Variants in DENND1A observed in about 807,000 individuals in gnomAD.
DENND1A encodes DENN domain containing 1A, also known as DENN domain-containing protein 1A.
In DENND1A, 51 loss-of-function variants were observed where a neutral mutation model predicts 113.7. The ratio of observed to expected loss-of-function variants is 0.45; its 90% CI spans 0.36 to 0.57. The LOEUF (loss-of-function observed/expected upper bound fraction) is 0.57. Ranked by LOEUF, DENND1A falls within the 20% of genes least tolerant of loss-of-function variation. The pLI is 0.00. For missense variants in DENND1A, 1,258 were observed against 1,395.9 expected, an observed-to-expected ratio of 0.90 and a Z score of 1.57; for synonymous variants, 565 against 570.8, an observed-to-expected ratio of 0.99 and a Z score of 0.14.
intron 10 of DENND1A, among the ~76,000 whole-genome samples, chr9:123,627,537 C>T (rs998492040): frequency 6.6e-6 from 1 of 152,090 alleles, no homozygotes; most frequent in Admixed American, 6.6e-5. Context: ...GTCAGGAGAT[C>T]GAGACCATCC....
intron 2 of DENND1A, among the ~76,000 whole-genome samples, chr9:123,811,086 GC>G (rs1285051030): frequency 2.0e-5 from 3 of 152,070 alleles, no homozygotes; most frequent in Non-Finnish European, 2.9e-5. Context: ...CATCCATCTT[GC>G]TTGAAGCCTG....
chr9:123,685,359 C>T lies in DENND1A; in HGVS notation c.303-8570G>A, dbSNP rs886775135. On this transcript the variant is annotated intron_variant, in intron 5 of 23. Transcript: ENST00000394215. ...AAATTGATTACGATATTTAGTTAAGCTCAAGAATCTCTGATTTATGTCCAT... is the reference window on the plus strand; with the variant it reads ...AAATTGATTACGATATTTAGTTAAGTTCAAGAATCTCTGATTTATGTCCAT... Among the ~76,000 whole-genome samples, 7 of 152,230 alleles carry T rather than the reference C, an allele frequency of 4.6e-5. No individual in the cohort carries two copies. In the East Asian group the frequency reaches 7.7e-4, roughly 17 times the overall value.
chr9:123,620,722 C>T (rs187793059), intron 10 of DENND1A, among the ~76,000 whole-genome samples: 2 of 152,268 alleles, frequency 1.3e-5, no homozygotes, highest in East Asian at 1.9e-4. Context: ...TCAGTCCCAC[C>T]ACAGCCCAGC....
At chr9:123,712,154 C>T (rs1229176993) in intron 5 of DENND1A, among the ~76,000 whole-genome samples, 1 of 152,236 alleles carries the variant, frequency 6.6e-6, no homozygotes, top group Non-Finnish European at 1.5e-5. Context: ...GTCTTCAACA[C>T]TGTCCAGCCT....
At chr9:123,608,821 G>A (rs1250402107) in intron 11 of DENND1A, among the ~76,000 whole-genome samples, 1 of 152,190 alleles carries the variant, frequency 6.6e-6, no homozygotes, top group Non-Finnish European at 1.5e-5. Context: ...TATCCAAATA[G>A]TGGGAATGAT....
chr9:123,848,087 G>A (rs1272765822), intron 2 of DENND1A, among the ~76,000 whole-genome samples: 1 of 151,830 alleles, frequency 6.6e-6, no homozygotes, highest in African/African-American at 2.4e-5. Flanking sequence ...AATGATTAAA[G>A]TCAAAACAAT....
At chr9:123,909,727 G>C (rs1186846624) in intron 1 of DENND1A, among the ~76,000 whole-genome samples, 1 of 151,966 alleles carries the variant, frequency 6.6e-6, no homozygotes, top group Non-Finnish European at 1.5e-5. Context: ...AAAGTATAAA[G>C]ATCAAAAACT....
chr9:123,526,180 C>CAT (rs1226807291), intron 13 of DENND1A, among the ~76,000 whole-genome samples: 1 of 151,474 alleles, frequency 6.6e-6, no homozygotes, highest in East Asian at 1.9e-4. Context: ...TGCACACACA[C>CAT]ACACACATAT....
chr9:123,591,357 G>T lies in DENND1A; in HGVS notation c.766-8087C>A, dbSNP rs143385863. Among the ~76,000 whole-genome samples, 99 of 152,396 alleles carry T rather than the reference G, an allele frequency of 6.5e-4. 1 individual carries two copies. The highest frequency in any genetic ancestry group is 3.4e-3 in the Middle Eastern group (1 of 294). ...CTTAAAAGCAAGCCACAAGATGAAAGGCAAGGGTGTGCACTGGCAATGTCA... is the reference window on the plus strand; with the variant it reads ...CTTAAAAGCAAGCCACAAGATGAAATGCAAGGGTGTGCACTGGCAATGTCA... On this transcript the variant is annotated intron_variant, in intron 11 of 23. Coordinates refer to ENST00000394215, the MANE Select transcript of DENND1A (RefSeq NM_001352964.2).
chr9:123,867,713 C>G (rs962979373), intron 2 of DENND1A, among the ~76,000 whole-genome samples: 2 of 152,188 alleles, frequency 1.3e-5, no homozygotes, highest in East Asian at 3.9e-4. Context: ...CTGAACAGCT[C>G]CCCCAGTTCT....
chr9:123,671,428 C>T, intron 6 of DENND1A, 57 bp from the exon 7 acceptor site: 2 of 1,565,426 alleles, frequency 1.3e-6, no homozygotes, highest in Non-Finnish European at 1.8e-6. Flanking sequence ...TAGTAAGATA[C>T]CTGCAGGGAG....
chr9:123,508,892 C>T (rs867925250), intron 13 of DENND1A, among the ~76,000 whole-genome samples: 12 of 152,190 alleles, frequency 7.9e-5, no homozygotes, highest in East Asian at 1.9e-4. Context: ...AGAGTACCCC[C>T]GGCTGTGTCC....
intron 3 of DENND1A, among the ~76,000 whole-genome samples, chr9:123,777,865 T>C (rs116371897): frequency 2.0e-3 from 309 of 152,342 alleles, no homozygotes; most frequent in African/African-American, 7.3e-3. Context: ...TAGCAATTGA[T>C]TAGAACGTCT....
intron 2 of DENND1A, among the ~76,000 whole-genome samples, chr9:123,811,969 T>C (rs1047929508): frequency 9.9e-5 from 15 of 152,178 alleles, no homozygotes; most frequent in African/African-American, 3.6e-4. Context: ...TGTCATTATG[T>C]GAATATCATA....
At chr9:123,845,670 CAAAAAA>C (rs555731367) in intron 2 of DENND1A, among the ~76,000 whole-genome samples, 5,021 of 44,198 alleles carry the variant, frequency 0.11, 152 homozygotes, top group African/African-American at 0.17. Context: ...AACCTGTCTC[CAAAAAA>C]AAAAAAAAAA....
intron 19 of DENND1A, among the ~76,000 whole-genome samples, chr9:123,413,097 T>C (rs1197868430): frequency 2.0e-5 from 3 of 152,166 alleles, no homozygotes; most frequent in African/African-American, 7.2e-5. Flanking sequence ...GACAGAAGAA[T>C]TGCTTGAACC....
chr9:123,792,536 CA>C, intron 3 of DENND1A, 50 bp downstream of exon 3: 1 of 1,580,910 alleles, frequency 6.3e-7, no homozygotes, highest in Non-Finnish European at 8.7e-7. Flanking sequence ...ATATGTTGAA[CA>C]ACTCTGAAAT....
intron 6 of DENND1A, among the ~76,000 whole-genome samples, chr9:123,674,135 C>T (rs922195272): frequency 5.3e-5 from 8 of 152,120 alleles, no homozygotes; most frequent in Non-Finnish European, 2.9e-5. Flanking sequence ...TCCTTCTCTC[C>T]CTCAGGCTCC....
chr9:123,430,951 C>T (rs539012118), intron 19 of DENND1A, among the ~76,000 whole-genome samples: 3 of 152,132 alleles, frequency 2.0e-5, no homozygotes, highest in Non-Finnish European at 4.4e-5. Flanking sequence ...TGCGGTGAGC[C>T]GAGATCATGC....
Sources: gnomAD v4.1 joint callset for allele counts (sites outside exome capture counted in the v4.1 genomes callset) on GRCh38, gnomAD v4.1.1 for gene constraint, MANE v1.5 for transcripts, NCBI Gene and HGNC (gene_info 2026-07-23, HGNC 2026-07-21) for gene names.